Variants in NTMT1 observed in about 807,000 individuals in gnomAD.
NTMT1 encodes the protein N-terminal RCC1 methyltransferase.
In NTMT1, 8 loss-of-function variants were observed where a neutral mutation model predicts 17.5. The observed-to-expected ratio is 0.46, with a 90% CI of 0.27 to 0.82. The LOEUF (loss-of-function observed/expected upper bound fraction) is 0.82, where lower values mean the gene tolerates loss of function less well. Ranked by LOEUF, NTMT1 falls within the 40% of genes least tolerant of loss-of-function variation. The probability of loss-of-function intolerance (pLI) is 0.15; values close to 1 mark genes in which losing one functional copy is unlikely to be tolerated. For missense variants in NTMT1, 221 were observed against 303.5 expected (o/e 0.73, Z 2.02); for synonymous variants, 128 against 126.8 (o/e 1.01, Z -0.06).
At chr9:129,623,823 C>CTTTTTTTTTTTTTTTTTTTTTTT (rs746654555), upstream of NTMT1, among the ~76,000 whole-genome samples, 3 of 107,832 alleles carry the variant, frequency 2.8e-5, 1 homozygote, top group Non-Finnish European at 5.4e-5. Context: ...TTTTTCTTTT[C>CTTTTTTTTTTTTTTTTTTTTTTT]TTTTCTTTTT....
chr9:129,624,239 G>A (rs970634152), upstream of NTMT1, among the ~76,000 whole-genome samples: 2 of 152,218 alleles, frequency 1.3e-5, no homozygotes, highest in African/African-American at 2.4e-5. Flanking sequence ...GCCTTGGAGC[G>A]TGGCTGTGGG....
At chr9:129,610,903 T>C (rs1055807604) in intron 1 of NTMT1, among the ~76,000 whole-genome samples, 2 of 152,008 alleles carry the variant, frequency 1.3e-5, no homozygotes, top group Non-Finnish European at 1.5e-5. Flanking sequence ...GGAGGGGACG[T>C]CCCAGGGACT....
chr9:129,619,298 G>C (rs1307242027), intron 1 of NTMT1, among the ~76,000 whole-genome samples: 3 of 152,158 alleles, frequency 2.0e-5, no homozygotes, highest in African/African-American at 7.2e-5. Flanking sequence ...TTATGTGTTG[G>C]TAGAAGACCT....
rs551696999 is a variant in NTMT1, at chr9:129,627,442, A to G, written c.-55+1147A>G. On this transcript the variant is annotated intron_variant, in intron 1 of 3. Coordinates refer to ENST00000372483, the MANE Select transcript of NTMT1 (RefSeq NM_014064.4). ...AGAGTTGACAAGAATCTCATTTGAC[A>G]GAGATTTCTAAGCTCAAGAGAGAAT... 3.3e-5 allele frequency among the ~76,000 whole-genome samples: 5 copies of G among 152,218 alleles called. No individual in the cohort carries two copies. In the East Asian group the frequency reaches 5.8e-4, roughly 18 times the overall value.
At chr9:129,625,724 A>G (rs1830863108), upstream of NTMT1, among the ~76,000 whole-genome samples, 1 of 152,058 alleles carries the variant, frequency 6.6e-6, no homozygotes, top group Non-Finnish European at 1.5e-5. Flanking sequence ...TAAAGAAGTC[A>G]AATTAGGCCA....
At position 129,635,231 on chromosome 9, in the gene NTMT1, G is replaced by A. The variant is rs1239197401; in HGVS notation, c.439G>A (p.Ala147Thr). 6.2e-7 allele frequency: 1 copy of A among 1,611,280 alleles called. No homozygotes were observed. The highest frequency in any genetic ancestry group is 8.5e-7 in the Non-Finnish European group (1 of 1,179,968). ...AGGCCACCTCACCGATCAGCACCTG[G>A]CCGAGTTCCTGCGGCGCTGCAAGGG... ...VIGHLTDQHL[A>T]EFLRRCKGSL... is the part of the protein sequence containing the mutation. Residue 147 changes from alanine to threonine, a missense_variant, in exon 4 of 4, where the codon GCC becomes ACC. Physicochemically the swap from Ala to Thr is moderately conservative, Grantham distance 58. Coordinates refer to ENST00000372483, the MANE Select transcript of NTMT1 (RefSeq NM_014064.4).
chr9:129,623,988 G>A (rs1830821130), upstream of NTMT1, among the ~76,000 whole-genome samples: 1 of 151,888 alleles, frequency 6.6e-6, no homozygotes, highest in Non-Finnish European at 1.5e-5. Context: ...TAGAGACGGG[G>A]TTTCACCGTG....
rs140979412 is a variant in NTMT1 at position 129,635,439 on chromosome 9, A to G, written c.647A>G (p.His216Arg). 1.2e-6 allele frequency: 2 copies of G among 1,613,180 alleles called. No homozygotes were observed. Among genetic ancestry groups the G allele is most frequent in the African/African-American group, 1.3e-5 (1 of 74,902 alleles). ...GAGAACCTCCCCGATGAGATCTACC[A>G]TGTCTATAGCTTTGCCCTGAGATGA... Reference protein sequence around the residue: ...RQENLPDEIYHVYSFALR With the variant: ...RQENLPDEIYRVYSFALR The change falls in exon 4 of 4, where the codon CAT becomes CGT. Residue 216 changes from histidine (H) to arginine (R), a missense_variant. Transcript: ENST00000372483.
At position 129,632,853 on chromosome 9, in the gene NTMT1, G is replaced by A; in HGVS notation, c.150G>A (p.Gln50=). 1 of 1,614,140 alleles carries A rather than the reference G, an allele frequency of 6.2e-7. No homozygotes were observed. The highest frequency in any genetic ancestry group is 1.7e-5 in the Admixed American group (1 of 60,022). The change falls in exon 2 of 4, where the codon CAG becomes CAA. Residue 50 remains glutamine (Q), a synonymous_variant. Coordinates refer to ENST00000372483, the MANE Select transcript of NTMT1 (RefSeq NM_014064.4). ...TCAACAGCTCCCGGAAGTTTCTGCA[G>A]AGGTTTTTGAGGGTAGGCAGGTCTG... is the stretch of plus-strand genomic sequence containing the variant. ...IDINSSRKFL[Q]RFLREGPNKT...
chr9:129,611,365 C>G (rs1588106288), intron 1 of NTMT1, among the ~76,000 whole-genome samples: 1 of 152,228 alleles, frequency 6.6e-6, no homozygotes, highest in Non-Finnish European at 1.5e-5. Flanking sequence ...GTGGCAGGGG[C>G]AAACCTGGTG....
Position 129,610,310 on chromosome 9 carries a change from C to CA in NTMT1, c.-55+1133dup, listed in dbSNP as rs1554772868. On this transcript the variant is annotated intron_variant, in intron 1 of 3. Coordinates refer to the NTMT1 transcript ENST00000372486. Reference sequence around the variant, plus strand: ...CTCCCTGCAGGCCCCGCCCCCCCCCCACCGGCGTGGTGCCCCCGGCGCGAG... The same window carrying CA: ...CTCCCTGCAGGCCCCGCCCCCCCCCCAACCGGCGTGGTGCCCCCGGCGCGAG... 8.7e-5 allele frequency among the ~76,000 whole-genome samples: 13 copies of CA among 149,164 alleles called. No homozygotes were observed. The East Asian group carries it at 2.1e-3, about 24-fold the overall frequency.
Position 129,635,839 on chromosome 9 carries a change from C to T in NTMT1, c.*375C>T, listed in dbSNP as rs1831521257. ...GGCTGCCTGAAGAGGAAGGAAACCA[C>T]CCCCAACTTGGTTGCTGGGGACTTG... On this transcript the variant is annotated 3_prime_UTR_variant, in exon 4 of 4. Coordinates refer to ENST00000372483, the MANE Select transcript of NTMT1 (RefSeq NM_014064.4). 8.8e-6 allele frequency: 2 copies of T among 227,590 alleles called. No homozygotes were observed. Among genetic ancestry groups the T allele is most frequent in the African/African-American group, 4.6e-5 (2 of 43,378 alleles). The allele number at this position is 227,590 out of a possible 1,614,324, so 14.1% of individuals were successfully genotyped here.
chr9:129,635,116 T>C (rs1477421152), intron 3 of NTMT1, 92 bp from the exon 4 acceptor site: 2 of 1,466,924 alleles, frequency 1.4e-6, no homozygotes, highest in Non-Finnish European at 1.8e-6. Flanking sequence ...TGGGCACAAA[T>C]GAGGGGCTCA....
chr9:129,622,801 G>T (rs1830773266), upstream of NTMT1, among the ~76,000 whole-genome samples: 1 of 152,096 alleles, frequency 6.6e-6, no homozygotes, highest in African/African-American at 2.4e-5. Flanking sequence ...ACCGAGGCAG[G>T]TGGATTGCCT....
At chr9:129,612,583 G>A in intron 1 of NTMT1, 1 of 708,936 alleles carries the variant, frequency 1.4e-6, no homozygotes, top group South Asian at 1.7e-5. Context: ...AAAAGATGAG[G>A]AAACAAATGC....
At chr9:129,633,243 C>T in intron 2 of NTMT1, 1 of 387,220 alleles carries the variant, frequency 2.6e-6, no homozygotes. Flanking sequence ...TGGTTTCCAC[C>T]CTCTGCTCCA....
chr9:129,612,559 G>T, intron 1 of NTMT1: 1 of 805,252 alleles, frequency 1.2e-6, no homozygotes, highest in Non-Finnish European at 2.0e-6. Flanking sequence ...AGGTAGTGCT[G>T]TCAGCCCCAT....
rs1435665797 is a variant in NTMT1, at chr9:129,619,667, AGT to A, written c.-55+10491_-55+10492del. The A allele has an allele frequency of 1.9e-6, 3 of 1,610,206 alleles. No homozygotes were observed. The South Asian group carries it at 3.3e-5, about 18-fold the overall frequency. ...AGACAAACAGGCCACATCTGGCATG[AGT>A]GGCCAGGCTGTCCCGCCCTGGAAAC... On this transcript the variant is annotated intron_variant, in intron 1 of 3. Transcript: ENST00000372486.
intron 3 of NTMT1, chr9:129,634,693 G>A (rs1488891919): frequency 2.7e-5 from 6 of 223,682 alleles, no homozygotes; most frequent in Non-Finnish European, 5.3e-5. Flanking sequence ...AGCACACCTC[G>A]AGCGCTGTGC....
Sources: allele counts gnomAD v4.1 joint callset (sites outside exome capture counted in the v4.1 genomes callset), GRCh38; gene constraint gnomAD v4.1.1; transcripts MANE v1.5; gene names NCBI Gene and HGNC (gene_info 2026-07-23, HGNC 2026-07-21).